The following ABCF3 variants were observed in gnomAD, a reference collection of about 807,000 sequenced individuals.
ABCF3 encodes ATP-binding cassette sub-family F member 3.
ABCF3 carries 62 observed loss-of-function variants against 94.3 expected under a neutral mutation model. The observed-to-expected ratio is 0.66, with a 90% CI of 0.54 to 0.81. ABCF3 has a LOEUF of 0.81. Among genes scored for constraint, ABCF3 ranks in the 40% least tolerant of loss-of-function variants. ABCF3 has a pLI of 0.00. For missense variants in ABCF3, 843 were observed against 925.3 expected, an observed-to-expected ratio of 0.91 and a Z score of 1.15; for synonymous variants, 355 against 361.1, an observed-to-expected ratio of 0.98 and a Z score of 0.19.
intron 16 of ABCF3, among the ~76,000 whole-genome samples, chr3:184,192,352 T>C (rs931729767): frequency 6.6e-6 from 1 of 152,176 alleles, no homozygotes; most frequent in African/African-American, 2.4e-5. Context: ...GTCCCTGCAG[T>C]GCTGTAGAAC....
chr3:184,187,011 A>C (rs1715670369), intron 3 of ABCF3, 136 bp downstream of exon 3: 2 of 901,696 alleles, frequency 2.2e-6, no homozygotes, highest in Admixed American at 5.8e-5. Context: ...GTCTTTACCG[A>C]GGGCAGAAGA....
Position 184,189,424 on chromosome 3 carries a change from G to A in ABCF3, c.1094G>A (p.Trp365Ter), listed in dbSNP as rs1715862370. ...TNMLDVRAIL[W>*]LENYLQTWPS... ...ATGCTGGATGTCAGGGCCATCCTGT[G>A]GCTGGAGAATTACCTGCAGGTGAGT... Residue 365 changes from tryptophan (W) to a stop codon, truncating the protein, a stop_gained, in exon 12 of 21, where the codon TGG becomes TAG. Transcript: ENST00000429586. LOFTEE classifies it high-confidence loss of function. The A allele has an allele frequency of 6.2e-7, 1 of 1,614,000 alleles. No homozygotes were observed. The highest frequency in any genetic ancestry group is 8.5e-7 in the Non-Finnish European group (1 of 1,180,042).
intron 14 of ABCF3, chr3:184,190,779 C>T (rs540094813): frequency 5.3e-5 from 29 of 551,654 alleles, no homozygotes; most frequent in Admixed American, 2.7e-4. Flanking sequence ...ATGTTTGCGA[C>T]GTGGAAACAT....
chr3:184,189,265 C>G lies in ABCF3; in HGVS notation c.1045C>G (p.Leu349Val), dbSNP rs941231948. ...TATTGTTTTTCATAGGCCAGATCTT[C>G]TGCTGTTAGATGGTGAGTTTGAAAT... ...ARALFARPDL[L>V]LLDEPTNMLD... Residue 349 changes from leucine (L) to valine (V), a missense_variant, in exon 11 of 21, where the codon CTG becomes GTG. Transcript: ENST00000429586. The G allele has an allele frequency of 1.9e-6, 3 of 1,614,188 alleles. No homozygotes were observed. The highest frequency in any genetic ancestry group is 2.5e-6 in the Non-Finnish European group (3 of 1,180,044).
At chr3:184,192,144 A>C (rs539007638) in intron 16 of ABCF3, among the ~76,000 whole-genome samples, 1 of 152,186 alleles carries the variant, frequency 6.6e-6, no homozygotes, top group Non-Finnish European at 1.5e-5. Flanking sequence ...TGTTACACAC[A>C]GCGGTGCTCT....
Position 184,189,144 on chromosome 3 carries a change from G to T in ABCF3, c.1034G>T (p.Arg345Met). Residue 345 changes from arginine to methionine, a missense_variant and splice_region_variant, in exon 10 of 21, where the codon AGG (arginine) becomes ATG (methionine). Transcript: ENST00000429586. ...RLALARALFA[R>M]PDLLLLDEPT... ...GCCCTGGCCCGGGCCCTCTTTGCTA[G>T]GTGAGTCTCCTGGGCCAGTGTATGA... The T allele has an allele frequency of 6.2e-7, 1 of 1,614,186 alleles. No individual in the cohort carries two copies. The highest frequency in any genetic ancestry group is 8.5e-7 in the Non-Finnish European group (1 of 1,180,028).
At chr3:184,192,461 T>G (rs1716086955) in intron 16 of ABCF3, 140 bp from the exon 17 acceptor site, 1 of 822,748 alleles carries the variant, frequency 1.2e-6, no homozygotes, top group African/African-American at 1.8e-5. Flanking sequence ...CCTCCCCCCT[T>G]ATCCTTCCCA....
At position 184,193,091 on chromosome 3, in the gene ABCF3, T is replaced by C; in HGVS notation, c.1751-11T>C. On this transcript the variant is annotated splice_polypyrimidine_tract_variant and intron_variant, in intron 18 of 20. Coordinates refer to ENST00000429586, the MANE Select transcript of ABCF3 (RefSeq NM_018358.3). This position sits in a 1 kb window ranked among gnomAD's most constrained non-coding sequence, Gnocchi z 5.2. ...CCAAGAAGCCACCTGATCTGGGGAG[T>C]CCTTTTCCAGGGCGGCCTGAGGAGG... The C allele has an allele frequency of 6.5e-7, 1 of 1,532,370 alleles. No individual in the cohort carries two copies. The highest frequency in any genetic ancestry group is 8.8e-7 in the Non-Finnish European group (1 of 1,141,128). The allele number at this position is 1,532,370 out of a possible 1,614,324, so 94.9% of individuals were successfully genotyped here.
Position 184,189,376 on chromosome 3 carries a change from C to T in ABCF3, c.1058-12C>T. 6.2e-7 allele frequency: 1 copy of T among 1,614,168 alleles called. No homozygotes were observed. Among genetic ancestry groups the T allele is most frequent in the East Asian group, 2.2e-5 (1 of 44,880 alleles). ...CCTTCAATCCCAAGTGTGTGCTCCC[C>T]TGCTTCTCCAGAACCTACAAACATG... On this transcript the variant is annotated splice_polypyrimidine_tract_variant and intron_variant, in intron 11 of 20. Transcript: ENST00000429586.
rs1487137532 is a variant in ABCF3, at chr3:184,187,897, C to A, written c.483C>A (p.Ser161Arg). 1 of 1,614,124 alleles carries A rather than the reference C, an allele frequency of 6.2e-7. No homozygotes were observed. Among genetic ancestry groups the A allele is most frequent in the South Asian group, 1.1e-5 (1 of 91,076 alleles). ...LEEASASQAG[S>R]RKESRLESSG... ...AGGCATCAGCCAGCCAGGCAGGCAG[C>A]AGAAAGGAGAGTCGGTTGGAATCAT... is the stretch of plus-strand genomic sequence containing the variant. The change falls in exon 6 of 21, where the codon AGC becomes AGA. Residue 161 changes from serine to arginine, a missense_variant. Physicochemically the swap from Ser to Arg is moderately radical, Grantham distance 110. Transcript: ENST00000429586.
chr3:184,188,912 G>T lies in ABCF3; in HGVS notation c.918-17G>T. On this transcript the variant is annotated splice_polypyrimidine_tract_variant and intron_variant, in intron 8 of 20. Transcript: ENST00000429586. ...GTGGACTGTTCCAACTGAGTTCTTCGATTTCTTCTCTACTAGGGCATCAGT... is the reference window on the plus strand; with the variant it reads ...GTGGACTGTTCCAACTGAGTTCTTCTATTTCTTCTCTACTAGGGCATCAGT... 2.5e-6 allele frequency: 4 copies of T among 1,614,160 alleles called. No homozygotes were observed. Among genetic ancestry groups the T allele is most frequent in the Non-Finnish European group, 3.4e-6 (4 of 1,180,028 alleles).
chr3:184,190,880 A>T, intron 14 of ABCF3, 119 bp from the exon 15 acceptor site: 1 of 1,188,230 alleles, frequency 8.4e-7, no homozygotes, highest in Non-Finnish European at 1.2e-6. Context: ...ACTCTAAAGT[A>T]ATGATACCTG....
chr3:184,187,270 A>G (rs1715694186), intron 3 of ABCF3, 127 bp from the exon 4 acceptor site: 3 of 1,001,548 alleles, frequency 3.0e-6, no homozygotes, highest in Non-Finnish European at 4.6e-6. Context: ...GATAATAGCC[A>G]TCTATCTGCA....
intron 3 of ABCF3, 145 bp from the exon 4 acceptor site, chr3:184,187,252 G>A: frequency 3.4e-6 from 3 of 883,662 alleles, no homozygotes; most frequent in Non-Finnish European, 3.6e-6. Flanking sequence ...TGTTTTTAGT[G>A]CAGGGAAGAT....
intron 7 of ABCF3, 143 bp from the exon 8 acceptor site, chr3:184,188,618 T>G (rs1379352421): frequency 9.9e-7 from 1 of 1,005,376 alleles, no homozygotes; most frequent in East Asian, 2.6e-5. Context: ...GTGCCCAAGG[T>G]AATGAGCACT....
In ABCF3 at chr3:184,193,831, T is replaced by A; in HGVS notation, c.*133T>A. The A allele has an allele frequency of 8.7e-7, 1 of 1,147,214 alleles. No individual in the cohort carries two copies. The highest frequency in any genetic ancestry group is 1.2e-6 in the Non-Finnish European group (1 of 831,402). The allele number at this position is 1,147,214 out of a possible 1,614,324, so 71.1% of individuals were successfully genotyped here. A position where few individuals can be genotyped will look rare whatever the true frequency, so the allele number is the denominator to read the frequency against. On this transcript the variant is annotated 3_prime_UTR_variant, in exon 21 of 21. Transcript: ENST00000429586. This position sits in a 1 kb window ranked among gnomAD's most constrained non-coding sequence, Gnocchi z 5.2. ...GCCTTATTCCCAAATGTCTCTATCC[T>A]TTTGACTGGAGCATCTTCTGCACAA...
intron 3 of ABCF3, 29 bp downstream of exon 3, chr3:184,186,904 G>GCC: frequency 6.3e-7 from 1 of 1,596,624 alleles, no homozygotes; most frequent in Non-Finnish European, 8.6e-7. Context: ...TGAACTAACT[G>GCC]CCCCCCTGTG....
At position 184,193,718 on chromosome 3, in the gene ABCF3, C is replaced by T. The variant is rs113607041; in HGVS notation, c.*20C>T. 3.5e-5 allele frequency: 56 copies of T among 1,582,848 alleles called. No homozygotes were observed. The African/African-American group carries it at 4.8e-4, about 14-fold the overall frequency. ...CTCTAGGGCCACCAGGCTGAGGACT[C>T]GCCCAGGACATGGACTGGTCTCTCA... On this transcript the variant is annotated 3_prime_UTR_variant, in exon 21 of 21. Transcript: ENST00000429586. This position sits in a 1 kb window ranked among gnomAD's most constrained non-coding sequence, Gnocchi z 5.2.
At chr3:184,190,151 C>T (rs75379175) in intron 14 of ABCF3, 15,197 of 592,770 alleles carry the variant, frequency 0.026, 239 homozygotes, top group Middle Eastern at 0.049. Flanking sequence ...TCTGCTTCTA[C>T]GTATCTGCTT....
Sources: gnomAD v4.1 joint callset for allele counts (sites outside exome capture counted in the v4.1 genomes callset) on GRCh38, gnomAD v4.1.1 for gene constraint, Gnocchi (gnomAD v3.1) non-coding constraint, MANE v1.5 for transcripts, NCBI Gene and HGNC (gene_info 2026-07-23, HGNC 2026-07-21) for gene names.